The following NAALADL2 variants were observed in gnomAD, a reference collection of about 807,000 sequenced individuals.
NAALADL2 encodes the protein inactive N-acetylated-alpha-linked acidic dipeptidase-like protein 2.
A neutral mutation model predicts 87.2 loss-of-function variants in NAALADL2; 76 were observed. The observed-to-expected ratio is 0.87, with a 90% confidence interval of 0.72 to 1.05. The LOEUF (loss-of-function observed/expected upper bound fraction) is 1.05. Ranked by LOEUF, NAALADL2 falls within the 50% of genes least tolerant of loss-of-function variation. The probability of loss-of-function intolerance (pLI) is 0.00; values close to 1 mark genes in which losing one functional copy is unlikely to be tolerated. For missense variants in NAALADL2, 1,089 were observed against 945.8 expected, an observed-to-expected ratio of 1.15 and a Z score of -1.99; for synonymous variants, 354 against 331.0, an observed-to-expected ratio of 1.07 and a Z score of -0.75.
intron 9 of NAALADL2, among the ~76,000 whole-genome samples, chr3:175,570,150 C>G (rs532604652): frequency 1.5e-3 from 226 of 151,934 alleles, no homozygotes; most frequent in Non-Finnish European, 2.4e-3. Flanking sequence ...GGGTTCAGAA[C>G]CAAAGAAAGG....
At position 175,206,244 on chromosome 3, in the gene NAALADL2, C is replaced by CTATA. The variant is rs200530639; in HGVS notation, c.546-27671_546-27668dup. Among the ~76,000 whole-genome samples, 541 of 107,936 alleles carry CTATA rather than the reference C, an allele frequency of 5.0e-3. 13 individuals are homozygous for CTATA. The highest frequency in any genetic ancestry group is 0.021 in the East Asian group (82 of 3,836). The allele number at this position is 107,936 out of a possible 152,430, so 70.8% of individuals were successfully genotyped here. A position where few individuals can be genotyped will look rare whatever the true frequency, so the allele number is the denominator to read the frequency against. On this transcript the variant is annotated intron_variant, in intron 2 of 13. Coordinates refer to ENST00000454872, the MANE Select transcript of NAALADL2 (RefSeq NM_207015.3). ...GGATAAAGATACTGTGGATAAAAAA[C>CTATA]TATATATATATATATATATTTTTTT...
intron 5 of NAALADL2, chr3:175,397,330 G>T (rs1769934075): frequency 6.6e-6 from 1 of 152,060 alleles, no homozygotes; most frequent in African/African-American, 2.4e-5. Flanking sequence ...TATAGTACAT[G>T]TGCTACCAAA....
chr3:175,344,678 C>T (rs1226501949), intron 5 of NAALADL2, among the ~76,000 whole-genome samples: 1 of 151,900 alleles, frequency 6.6e-6, no homozygotes, highest in African/African-American at 2.4e-5. Flanking sequence ...CTGCCTTATC[C>T]AGAAATGTTG....
At chr3:175,204,752 A>G (rs1740570647) in intron 2 of NAALADL2, among the ~76,000 whole-genome samples, 1 of 152,136 alleles carries the variant, frequency 6.6e-6, no homozygotes, top group South Asian at 2.1e-4. Context: ...AAATTTTCCA[A>G]ATACAAGATT....
At chr3:175,222,244 G>C (rs1486327550) in intron 2 of NAALADL2, among the ~76,000 whole-genome samples, 1 of 152,014 alleles carries the variant, frequency 6.6e-6, no homozygotes, top group African/African-American at 2.4e-5. Flanking sequence ...TATTCAATAG[G>C]TACTTGTTGA....
chr3:175,204,537 CAA>C lies in NAALADL2; in HGVS notation c.546-29393_546-29392del, dbSNP rs538579853. Among the ~76,000 whole-genome samples, 13 of 152,180 alleles carry C rather than the reference CAA, an allele frequency of 8.5e-5. No individual in the cohort carries two copies. The East Asian group carries it at 2.5e-3, about 29-fold the overall frequency. On this transcript the variant is annotated intron_variant, in intron 2 of 13. Transcript: ENST00000454872. ...AAAGCATTCCCTCTGAGGACTGAAA[CAA>C]GACAAAGATGCCCACTCTTAGCACT...
At chr3:175,682,660 C>T (rs1033993178) in intron 11 of NAALADL2, among the ~76,000 whole-genome samples, 19 of 151,872 alleles carry the variant, frequency 1.3e-4, no homozygotes, top group African/African-American at 4.1e-4. Flanking sequence ...CAATGCATAG[C>T]CCCTTAAACA....
At chr3:174,579,932 A>T (rs113680654) in intron 2 of NAALADL2, among the ~76,000 whole-genome samples, 7 of 152,066 alleles carry the variant, frequency 4.6e-5, no homozygotes, top group African/African-American at 1.4e-4. Context: ...GAGATTTCAT[A>T]TACCTTGTTC....
chr3:175,557,451 G>T (rs976301646), intron 9 of NAALADL2, among the ~76,000 whole-genome samples: 5 of 151,896 alleles, frequency 3.3e-5, no homozygotes, highest in African/African-American at 1.2e-4. Context: ...AATTATTTTT[G>T]ACTATAGTCA....
intron 3 of NAALADL2, among the ~76,000 whole-genome samples, chr3:175,236,150 T>A (rs1429264683): frequency 2.0e-5 from 3 of 152,156 alleles, no homozygotes; most frequent in Admixed American, 1.3e-4. Flanking sequence ...CTATGACTCC[T>A]TTATACTCCG....
chr3:174,764,525 A>T (rs901874415), intron 3 of NAALADL2, among the ~76,000 whole-genome samples: 112 of 152,292 alleles, frequency 7.4e-4, no homozygotes, highest in Non-Finnish European at 1.5e-4. Flanking sequence ...CAGGAGAATT[A>T]CTTGAACCCA....
At chr3:174,952,498 T>C (rs1560405734) in intron 1 of NAALADL2, among the ~76,000 whole-genome samples, 1 of 152,222 alleles carries the variant, frequency 6.6e-6, no homozygotes, top group South Asian at 2.1e-4. Flanking sequence ...GTCCTAAATA[T>C]TGAGTTCAGT....
intron 2 of NAALADL2, among the ~76,000 whole-genome samples, chr3:175,209,787 T>G (rs1243838976): frequency 1.3e-5 from 2 of 151,812 alleles, no homozygotes; most frequent in African/African-American, 2.4e-5. Flanking sequence ...TTCTGTCATT[T>G]AAAGACCTTG....
chr3:175,206,296 G>GTATA (rs571775445), intron 2 of NAALADL2, among the ~76,000 whole-genome samples: 34 of 101,672 alleles, frequency 3.3e-4, no homozygotes, highest in East Asian at 1.5e-3. Flanking sequence ...GTATGTATGT[G>GTATA]TATATATATA....
chr3:175,158,585 G>A (rs1014472775), intron 2 of NAALADL2, among the ~76,000 whole-genome samples: 3 of 152,066 alleles, frequency 2.0e-5, no homozygotes, highest in South Asian at 4.1e-4. Context: ...GTAAAAAATA[G>A]GGATGATATA....
intron 3 of NAALADL2, among the ~76,000 whole-genome samples, chr3:174,773,171 A>T (rs188959230): frequency 6.6e-6 from 1 of 152,198 alleles, no homozygotes; most frequent in African/African-American, 2.4e-5. Flanking sequence ...TGAGAAGTCT[A>T]TTCAGTAATA....
intron 4 of NAALADL2, among the ~76,000 whole-genome samples, chr3:175,277,831 C>T (rs922319284): frequency 1.3e-5 from 2 of 152,150 alleles, no homozygotes; most frequent in Non-Finnish European, 1.5e-5. Flanking sequence ...TTACTTGTAT[C>T]TTTCTTCTCT....
chr3:175,239,874 G>T (rs1746532216), intron 3 of NAALADL2, among the ~76,000 whole-genome samples: 1 of 152,102 alleles, frequency 6.6e-6, no homozygotes, highest in African/African-American at 2.4e-5. Context: ...GGGAAGAAAT[G>T]ATATAAACCA....
intron 5 of NAALADL2, among the ~76,000 whole-genome samples, chr3:175,370,263 C>CATTATA (rs1560447265): frequency 6.6e-6 from 1 of 152,092 alleles, no homozygotes; most frequent in African/African-American, 2.4e-5. Flanking sequence ...AAATCTTCCA[C>CATTATA]TATTCTCAAC....
Sources: allele counts gnomAD v4.1 joint callset (sites outside exome capture counted in the v4.1 genomes callset), GRCh38; gene constraint gnomAD v4.1.1; transcripts MANE v1.5; gene names NCBI Gene and HGNC (gene_info 2026-07-23, HGNC 2026-07-21).